The following CAMTA1 variants were observed in gnomAD, a reference collection of about 807,000 sequenced individuals.
The protein encoded by CAMTA1 is calmodulin binding transcription activator 1.
Under a neutral mutation model 170.9 loss-of-function variants are expected in CAMTA1, and 27 were observed. That is an observed-to-expected ratio of 0.16 (90% CI 0.12 to 0.22). The LOEUF (loss-of-function observed/expected upper bound fraction) is 0.22, where lower values mean the gene tolerates loss of function less well. Among genes scored for constraint, CAMTA1 ranks in the 10% least tolerant of loss-of-function variants. The pLI, the probability that CAMTA1 is intolerant of heterozygous loss-of-function variation, is 1.00. For synonymous variants in CAMTA1, 833 were observed against 891.5 expected, an observed-to-expected ratio of 0.93 and a Z score of 1.17; for missense variants, 1,619 against 2,217.2, an observed-to-expected ratio of 0.73 and a Z score of 5.42.
intron 4 of CAMTA1, among the ~76,000 whole-genome samples, chr1:7,183,061 G>C (rs1368625902): frequency 1.3e-5 from 2 of 152,226 alleles, no homozygotes; most frequent in African/African-American, 4.8e-5. Flanking sequence ...AATTTATAAA[G>C]AAAAGAGGTT....
At position 7,249,665 on chromosome 1, in the gene CAMTA1, A is replaced by C; in HGVS notation, c.438+39A>C. ...AAGGTTCCCTTGGTGCACAAATGTC[A>C]TTTGCAGGCTGCAGTGGAGAATGGA... On this transcript the variant is annotated intron_variant, in intron 5 of 22. Transcript: ENST00000303635. This position sits in a 1 kb window ranked among gnomAD's most constrained non-coding sequence, Gnocchi z 4.4. 1 of 1,606,686 alleles carries C rather than the reference A, an allele frequency of 6.2e-7. No individual in the cohort carries two copies. The highest frequency in any genetic ancestry group is 8.5e-7 in the Non-Finnish European group (1 of 1,175,724).
chr1:6,822,959 T>C (rs1052028343), intron 2 of CAMTA1, among the ~76,000 whole-genome samples: 6 of 152,264 alleles, frequency 3.9e-5, no homozygotes, highest in South Asian at 2.1e-4. Context: ...TGCTCGTAAG[T>C]GTTCAGAATT....
rs1000397625 is a variant in CAMTA1 at position 7,093,267 on chromosome 1, A to G, written c.302+1896A>G. On this transcript the variant is annotated intron_variant, in intron 4 of 22. Coordinates refer to ENST00000303635, the MANE Select transcript of CAMTA1 (RefSeq NM_015215.4). The surrounding 1 kb of genome is among the most constrained non-coding windows in gnomAD (Gnocchi z 4.6). ...GGGGCCTGAACATGTGTTATTTCTA[A>G]CAAGCTCCCAGGCAGTAGGATGTGG... Among the ~76,000 whole-genome samples the G allele has an allele frequency of 6.6e-6, 1 of 152,074 alleles. No homozygotes were observed. The highest frequency in any genetic ancestry group is 1.5e-5 in the Non-Finnish European group (1 of 68,008).
At chr1:6,888,249 C>G in intron 3 of CAMTA1, 1 of 986,036 alleles carries the variant, frequency 1.0e-6, no homozygotes, top group Non-Finnish European at 1.2e-6. Context: ...TTTCCTTTAA[C>G]TTGCCATTTA....
rs757504272 is a variant in CAMTA1 at position 7,377,126 on chromosome 1, C to T, written c.439-90704C>T. Among the ~76,000 whole-genome samples the T allele has an allele frequency of 9.2e-5, 14 of 152,292 alleles. No individual in the cohort carries two copies. In the South Asian group the frequency reaches 1.4e-3, roughly 16 times the overall value. On this transcript the variant is annotated intron_variant, in intron 5 of 22. Coordinates refer to ENST00000303635, the MANE Select transcript of CAMTA1 (RefSeq NM_015215.4). ...AACACATAGGGAGCACTCGCCTGACCGAGGGCTGAGGGGCCCCCTTCACCT... is the reference window on the plus strand; with the variant it reads ...AACACATAGGGAGCACTCGCCTGACTGAGGGCTGAGGGGCCCCCTTCACCT...
Position 7,607,483 on chromosome 1 carries a change from A to G in CAMTA1, c.511-32917A>G, listed in dbSNP as rs376872871. On this transcript the variant is annotated intron_variant, in intron 6 of 22. Transcript: ENST00000303635. ...GATGGGTGGATGGATGGATGGATGGATAGATGGATAGATAGTCAATAGATG... is the reference window on the plus strand; with the variant it reads ...GATGGGTGGATGGATGGATGGATGGGTAGATGGATAGATAGTCAATAGATG... Among the ~76,000 whole-genome samples, 1,018 of 151,570 alleles carry G rather than the reference A, an allele frequency of 6.7e-3. 13 individuals carry two copies. Among genetic ancestry groups the G allele is most frequent in the African/African-American group, 0.023 (954 of 41,330 alleles).
chr1:7,013,560 C>T (rs1248350603), intron 3 of CAMTA1, among the ~76,000 whole-genome samples: 2 of 152,184 alleles, frequency 1.3e-5, no homozygotes, highest in Non-Finnish European at 2.9e-5. Context: ...CAGAGCCATT[C>T]TGCTAAGATC....
intron 5 of CAMTA1, among the ~76,000 whole-genome samples, chr1:7,432,651 G>A (rs2092214205): frequency 6.6e-6 from 1 of 152,158 alleles, no homozygotes; most frequent in South Asian, 2.1e-4. Context: ...TGCTGGGGTG[G>A]TCCGTCCTGA....
chr1:6,951,406 A>G (rs1426088786), intron 3 of CAMTA1, among the ~76,000 whole-genome samples: 1 of 152,164 alleles, frequency 6.6e-6, no homozygotes, highest in Non-Finnish European at 1.5e-5. Context: ...TCACAGGGAT[A>G]TTGTGGGGAT....
rs554350197 is a variant in CAMTA1 at position 7,131,704 on chromosome 1, C to T, written c.302+40333C>T. ...TTTTTCCGTATGTCTCTACTTATGCCAATATCATACTTTATTAATATAGCT... is the reference window on the plus strand; with the variant it reads ...TTTTTCCGTATGTCTCTACTTATGCTAATATCATACTTTATTAATATAGCT... On this transcript the variant is annotated intron_variant, in intron 4 of 22. Transcript: ENST00000303635. Among the ~76,000 whole-genome samples, 11 of 152,112 alleles carry T rather than the reference C, an allele frequency of 7.2e-5. No individual in the cohort carries two copies. The South Asian group carries it at 1.2e-3, about 17-fold the overall frequency.
chr1:7,597,793 C>A (rs890532547), intron 6 of CAMTA1, among the ~76,000 whole-genome samples: 1 of 152,032 alleles, frequency 6.6e-6, no homozygotes, highest in African/African-American at 2.4e-5. Context: ...ATCTGCTTAC[C>A]CAAAGTCTAG....
intron 3 of CAMTA1, among the ~76,000 whole-genome samples, chr1:6,857,935 A>G (rs1056599796): frequency 4.6e-4 from 70 of 152,224 alleles, no homozygotes; most frequent in African/African-American, 1.5e-3. Flanking sequence ...ATGCCACTAG[A>G]ATGCAAGATA....
At chr1:6,898,777 C>G (rs551531582) in intron 3 of CAMTA1, among the ~76,000 whole-genome samples, 1 of 152,330 alleles carries the variant, frequency 6.6e-6, no homozygotes, top group African/African-American at 2.4e-5. Context: ...CTTCAACTGG[C>G]CTAACTCAGC....
intron 4 of CAMTA1, among the ~76,000 whole-genome samples, chr1:7,123,610 C>T (rs981182104): frequency 3.3e-5 from 5 of 152,208 alleles, no homozygotes; most frequent in African/African-American, 1.2e-4. Context: ...GGCAGTCCCT[C>T]TGCTTTGGAT....
Position 6,963,976 on chromosome 1 carries a change from G to A in CAMTA1, c.235-127328G>A, listed in dbSNP as rs190151411. ...CTGGGTGCTCTGGGTGAGGCACAGC[G>A]TCCTGGGTGCCCAGATAGGGGTGCA... On this transcript the variant is annotated intron_variant, in intron 3 of 22. Transcript: ENST00000303635. Among the ~76,000 whole-genome samples the A allele has an allele frequency of 1.5e-3, 224 of 152,334 alleles. 3 individuals carry two copies. The East Asian group carries it at 0.034, about 23-fold the overall frequency.
chr1:6,927,776 A>G (rs1683606402), intron 3 of CAMTA1, among the ~76,000 whole-genome samples: 2 of 152,348 alleles, frequency 1.3e-5, no homozygotes, highest in East Asian at 1.9e-4. Flanking sequence ...ACAAAAATGT[A>G]AATATTCCTG....
rs572609285 is a variant in CAMTA1 at position 7,681,124 on chromosome 1, C to A, written c.2914+3391C>A. Among the ~76,000 whole-genome samples the A allele has an allele frequency of 1.3e-5, 2 of 152,148 alleles. No homozygotes were observed. The highest frequency in any genetic ancestry group is 2.9e-5 in the Non-Finnish European group (2 of 68,006). Reference sequence around the variant, plus strand: ...GATCCCGGAGCTGCAGCGCCTCCCCCAGACCTAGGGGTCTTCCCCTCCCTT... The same window carrying A: ...GATCCCGGAGCTGCAGCGCCTCCCCAAGACCTAGGGGTCTTCCCCTCCCTT... On this transcript the variant is annotated intron_variant, in intron 11 of 22. Transcript: ENST00000303635. This position sits in a 1 kb window ranked among gnomAD's most constrained non-coding sequence, Gnocchi z 4.6.
intron 3 of CAMTA1, among the ~76,000 whole-genome samples, chr1:6,870,501 G>A (rs1474176548): frequency 6.6e-6 from 1 of 152,174 alleles, no homozygotes; most frequent in Non-Finnish European, 1.5e-5. Flanking sequence ...ATTGCCGTAA[G>A]CCTCTAGAAA....
At chr1:7,039,803 G>C (rs1297509666) in intron 3 of CAMTA1, among the ~76,000 whole-genome samples, 1 of 152,136 alleles carries the variant, frequency 6.6e-6, no homozygotes, top group Non-Finnish European at 1.5e-5. Flanking sequence ...GTAACCTATA[G>C]GGGAGTGGGA....
Sources: gnomAD v4.1 joint callset for allele counts (sites outside exome capture counted in the v4.1 genomes callset) on GRCh38, gnomAD v4.1.1 for gene constraint, Gnocchi (gnomAD v3.1) non-coding constraint, MANE v1.5 for transcripts, NCBI Gene and HGNC (gene_info 2026-07-23, HGNC 2026-07-21) for gene names.